Variants in C14orf132 observed in about 807,000 individuals in gnomAD.
The protein encoded by C14orf132 is uncharacterized protein C14orf132.
C14orf132 carries 6 observed loss-of-function variants against 5.8 expected under a neutral mutation model. That is an observed-to-expected ratio of 1.03 (90% CI 0.57 to 2.04). The LOEUF is 2.04. Ranked by LOEUF, C14orf132 falls within the 30% of genes most tolerant of loss-of-function variation. The pLI, the probability that C14orf132 is intolerant of heterozygous loss-of-function variation, is 0.00. For synonymous variants in C14orf132, 51 were observed against 49.8 expected, an observed-to-expected ratio of 1.02 and a Z score of -0.10; for missense variants, 125 against 115.8, an observed-to-expected ratio of 1.08 and a Z score of -0.37.
intron 1 of C14orf132, among the ~76,000 whole-genome samples, chr14:96,079,641 C>T (rs1023292944): frequency 6.6e-6 from 1 of 151,926 alleles, no homozygotes; most frequent in Non-Finnish European, 1.5e-5. Context: ...GGATGGTATT[C>T]AAATCTGTCC....
rs1296614563 is a variant in C14orf132 at position 96,093,713 on chromosome 14, T to G, written c.*6978T>G. 4 of 152,240 alleles carry G rather than the reference T, an allele frequency of 2.6e-5. No individual in the cohort carries two copies. Among genetic ancestry groups the G allele is most frequent in the African/African-American group, 9.6e-5 (4 of 41,472 alleles). The allele number at this position is 152,240 out of a possible 1,614,324, so 9.4% of individuals were successfully genotyped here. ...GCACCTGGTTTCACCATGCGATCAC[T>G]GACTTCTCTACAGTGAAGACTCTTT... On this transcript the variant is annotated 3_prime_UTR_variant, in exon 2 of 2. Coordinates refer to ENST00000555004, the MANE Select transcript of C14orf132 (RefSeq NM_001252507.3).
At chr14:96,070,860 C>T (rs1221645719) in intron 1 of C14orf132, among the ~76,000 whole-genome samples, 1 of 152,122 alleles carries the variant, frequency 6.6e-6, no homozygotes, top group Non-Finnish European at 1.5e-5. Context: ...GTTTCTCCAT[C>T]CCTAGGGTAG....
At chr14:96,062,520 G>A (rs942523854) in intron 1 of C14orf132, among the ~76,000 whole-genome samples, 7 of 152,168 alleles carry the variant, frequency 4.6e-5, no homozygotes, top group Non-Finnish European at 7.3e-5. Context: ...CCCTCCACAT[G>A]TGTCTTTATG....
chr14:96,066,802 T>C (rs558742084), intron 1 of C14orf132, among the ~76,000 whole-genome samples: 6 of 152,326 alleles, frequency 3.9e-5, no homozygotes, highest in African/African-American at 1.4e-4. Flanking sequence ...TAATAGAATG[T>C]ACTATAATAC....
intron 1 of C14orf132, among the ~76,000 whole-genome samples, chr14:96,049,537 CATACGTATATATATACATAT>C (rs1566823623): frequency 1.6e-5 from 2 of 127,810 alleles, no homozygotes; most frequent in African/African-American, 5.7e-5. Flanking sequence ...CACATATATA[CATACGTATATATATACATAT>C]ATACGTATAT....
intron 1 of C14orf132, among the ~76,000 whole-genome samples, chr14:96,053,354 C>T (rs1887084698): frequency 6.6e-6 from 1 of 152,236 alleles, no homozygotes. Flanking sequence ...GTCCTGACAG[C>T]TGCTCACCTC....
intron 1 of C14orf132, among the ~76,000 whole-genome samples, chr14:96,041,731 G>A (rs766014936): frequency 6.6e-6 from 1 of 152,238 alleles, no homozygotes; most frequent in East Asian, 1.9e-4. Context: ...TCAGCAGGGG[G>A]CAGTTTGCAG....
intron 1 of C14orf132, among the ~76,000 whole-genome samples, chr14:96,059,407 C>A (rs1344557973): frequency 1.3e-5 from 2 of 152,180 alleles, no homozygotes; most frequent in African/African-American, 4.8e-5. Context: ...ATGTATTGAG[C>A]ACTCATGAAG....
chr14:96,054,416 C>T (rs1291741807), intron 1 of C14orf132, among the ~76,000 whole-genome samples: 1 of 152,212 alleles, frequency 6.6e-6, no homozygotes, highest in Non-Finnish European at 1.5e-5. Context: ...GGTAATGTGG[C>T]ACCTGAGATG....
At chr14:96,071,499 CCCTGG>C in intron 1 of C14orf132, among the ~76,000 whole-genome samples, 1 of 152,322 alleles carries the variant, frequency 6.6e-6, no homozygotes, top group South Asian at 2.1e-4. Flanking sequence ...TCTCCACTTT[CCCTGG>C]ATTTGGTGGC....
rs1486193845 is a variant in C14orf132, at chr14:96,090,710, G to A, written c.*3975G>A. 2 of 456,100 alleles carry A rather than the reference G, an allele frequency of 4.4e-6. No individual in the cohort carries two copies. The highest frequency in any genetic ancestry group is 8.8e-6 in the Non-Finnish European group (2 of 226,794). The allele number at this position is 456,100 out of a possible 1,614,324, so 28.3% of individuals were successfully genotyped here. ...GGATCTGAGGGAGAAAGGATGGGAG[G>A]AGGGGCAGCAGCATTTCGCTGGAAA... On this transcript the variant is annotated 3_prime_UTR_variant, in exon 2 of 2. Coordinates refer to ENST00000555004, the MANE Select transcript of C14orf132 (RefSeq NM_001252507.3).
At chr14:96,054,001 C>A (rs750674179) in intron 1 of C14orf132, among the ~76,000 whole-genome samples, 2 of 152,020 alleles carry the variant, frequency 1.3e-5, no homozygotes, top group Non-Finnish European at 2.9e-5. Context: ...CTCTCTAGGG[C>A]CTGGCTGGTG....
At chr14:96,044,187 AT>A (rs1480855325) in intron 1 of C14orf132, among the ~76,000 whole-genome samples, 4 of 151,934 alleles carry the variant, frequency 2.6e-5, no homozygotes, top group African/African-American at 4.8e-5. Flanking sequence ...ATTCTTTTTT[AT>A]TTTGAGACAC....
At chr14:96,073,760 T>G (rs1231037361) in intron 1 of C14orf132, among the ~76,000 whole-genome samples, 2 of 152,196 alleles carry the variant, frequency 1.3e-5, no homozygotes, top group African/African-American at 4.8e-5. Context: ...GCAGCACTAT[T>G]CACAAGAGCA....
chr14:96,075,829 G>A (rs1186155849), intron 1 of C14orf132, among the ~76,000 whole-genome samples: 1 of 152,022 alleles, frequency 6.6e-6, no homozygotes, highest in Non-Finnish European at 1.5e-5. Flanking sequence ...ACTACTTTTT[G>A]TCTTGTTCAA....
chr14:96,049,653 T>TATACGTATATATAGAG (rs371381526), intron 1 of C14orf132, among the ~76,000 whole-genome samples: 1 of 82,282 alleles, frequency 1.2e-5, no homozygotes. Flanking sequence ...TATATATATA[T>TATACGTATATATAGAG]AGAGAGAGAG....
At chr14:96,052,508 C>G (rs1180364309) in intron 1 of C14orf132, among the ~76,000 whole-genome samples, 1 of 152,240 alleles carries the variant, frequency 6.6e-6, no homozygotes, top group Non-Finnish European at 1.5e-5. Flanking sequence ...GTCAGGATTG[C>G]TGCTGCCCAG....
intron 1 of C14orf132, among the ~76,000 whole-genome samples, chr14:96,078,068 C>T (rs550159973): frequency 1.3e-5 from 2 of 152,366 alleles, no homozygotes; most frequent in African/African-American, 4.8e-5. Context: ...CGTTTCTGCC[C>T]GCTGCATCCT....
chr14:96,040,745 G>GC (rs1886669982), intron 1 of C14orf132, among the ~76,000 whole-genome samples: 2 of 151,158 alleles, frequency 1.3e-5, no homozygotes, highest in African/African-American at 4.9e-5. Flanking sequence ...AGTATCGCTG[G>GC]CCCTTTTTTT....
Sources: allele counts gnomAD v4.1 joint callset (sites outside exome capture counted in the v4.1 genomes callset), GRCh38; gene constraint gnomAD v4.1.1; transcripts MANE v1.5; gene names NCBI Gene and HGNC (gene_info 2026-07-23, HGNC 2026-07-21).